PCDHA7: variants seen among roughly 807,000 people sequenced by gnomAD.
The protein encoded by PCDHA7 is protocadherin alpha-7.
In PCDHA7, 37 loss-of-function variants were observed where a neutral mutation model predicts 57.2. The ratio of observed to expected loss-of-function variants is 0.65; its 90% confidence interval spans 0.50 to 0.85. The LOEUF (loss-of-function observed/expected upper bound fraction) is 0.85, where lower values mean the gene tolerates loss of function less well. Among genes scored for constraint, PCDHA7 ranks in the 40% least tolerant of loss-of-function variants. The pLI is 0.00. For missense variants in PCDHA7, 1,188 were observed against 1,241.8 expected (o/e 0.96, Z 0.65); for synonymous variants, 553 against 558.8 (o/e 0.99, Z 0.15).
intron 1 of PCDHA7, among the ~76,000 whole-genome samples, chr5:140,904,604 T>C (rs1010462159): frequency 2.0e-5 from 3 of 152,094 alleles, no homozygotes; most frequent in Non-Finnish European, 1.5e-5. Flanking sequence ...CTGGATCAAA[T>C]AGTAGTTTTA....
intron 1 of PCDHA7, chr5:140,876,809 C>T (rs1554168959): frequency 6.2e-7 from 1 of 1,614,200 alleles, no homozygotes; most frequent in Admixed American, 1.7e-5. Flanking sequence ...GTGGAGGTGG[C>T]CGACGTGAAC....
At chr5:140,969,761 T>C (rs886878870) in intron 1 of PCDHA7, among the ~76,000 whole-genome samples, 1 of 152,234 alleles carries the variant, frequency 6.6e-6, no homozygotes, top group African/African-American at 2.4e-5. Flanking sequence ...TAAAAAGCTC[T>C]GAGGCCTCTA....
At chr5:140,995,416 T>G (rs2097682772) in intron 3 of PCDHA7, among the ~76,000 whole-genome samples, 1 of 152,228 alleles carries the variant, frequency 6.6e-6, no homozygotes, top group African/African-American at 2.4e-5. Context: ...TTCATCACAT[T>G]ACTCAGAACA....
At chr5:140,856,939 G>T (rs1554149308) in intron 1 of PCDHA7, 2 of 1,593,866 alleles carry the variant, frequency 1.3e-6, no homozygotes, top group Non-Finnish European at 1.7e-6. Flanking sequence ...TAAACGAAAG[G>T]ACGGGAGAAA....
intron 1 of PCDHA7, among the ~76,000 whole-genome samples, chr5:140,907,806 A>G (rs1046843294): frequency 2.6e-5 from 4 of 152,192 alleles, no homozygotes; most frequent in Non-Finnish European, 5.9e-5. Flanking sequence ...AGTGGTGTCC[A>G]CAGAACGAGT....
intron 1 of PCDHA7, chr5:140,848,438 T>C: frequency 6.8e-7 from 1 of 1,477,490 alleles, no homozygotes; most frequent in Non-Finnish European, 9.2e-7. Flanking sequence ...CGAAATCAGA[T>C]GATTTCTTCT....
Position 140,875,195 on chromosome 5 carries a change from G to A in PCDHA7, c.2355+38457G>A, listed in dbSNP as rs1554167540. On this transcript the variant is annotated intron_variant, in intron 1 of 3. Transcript: ENST00000525929. ...AACATTAGAATTAAGAGTGACCCAG[G>A]AAGTGGCTAAACCGAAAAGAACCTC... is the stretch of plus-strand genomic sequence containing the variant. The A allele has an allele frequency of 1.5e-5, 8 of 526,354 alleles. No individual in the cohort carries two copies. The Admixed American group carries it at 1.6e-4, about 10-fold the overall frequency. 32.6% of individuals were successfully genotyped at this position (526,354 alleles called of 1,614,324 possible). A position where few individuals can be genotyped will look rare whatever the true frequency, so the allele number is the denominator to read the frequency against.
intron 1 of PCDHA7, among the ~76,000 whole-genome samples, chr5:140,955,283 A>G (rs1255959484): frequency 6.6e-6 from 1 of 151,774 alleles, no homozygotes; most frequent in African/African-American, 2.4e-5. Context: ...CCATATTGAT[A>G]TGGTTTGGCT....
intron 1 of PCDHA7, among the ~76,000 whole-genome samples, chr5:140,910,150 T>G (rs555048323): frequency 6.6e-6 from 1 of 152,354 alleles, no homozygotes; most frequent in South Asian, 2.1e-4. Flanking sequence ...GGAAATTGAT[T>G]GAGGGGAAAT....
Position 140,836,344 on chromosome 5 carries a change from A to T in PCDHA7, c.1961A>T (p.His654Leu). 6.2e-7 allele frequency: 1 copy of T among 1,613,666 alleles called. No homozygotes were observed. The highest frequency in any genetic ancestry group is 8.5e-7 in the Non-Finnish European group (1 of 1,179,808). Residue 654 changes from histidine to leucine, a missense_variant, in exon 1 of 4, where the codon CAC (histidine) becomes CTC (leucine). By Grantham distance (99) the His-to-Leu change is moderately conservative. Coordinates refer to ENST00000525929, the MANE Select transcript of PCDHA7 (RefSeq NM_018910.3). ...RHRLLVLVKD[H>L]GEPSLTATAT... is the part of the protein sequence containing the mutation. The stretch of plus-strand genomic sequence containing the variant: ...CGCCTTCTGGTGCTTGTGAAGGACC[A>T]CGGGGAGCCCTCGCTGACAGCCACA...
chr5:140,836,038 A>T lies in PCDHA7; in HGVS notation c.1655A>T (p.Gln552Leu). The T allele has an allele frequency of 1.2e-6, 2 of 1,613,428 alleles. No individual in the cohort carries two copies. The highest frequency in any genetic ancestry group is 1.7e-6 in the Non-Finnish European group (2 of 1,179,714). ...CCTCTGGGCAGCAACGTGACGCTGC[A>T]GGTGTTCGTGCTGGACGAGAACGAC... is the stretch of plus-strand genomic sequence containing the variant. Reference protein sequence around the residue: ...VPPLGSNVTLQVFVLDENDNA... With the variant: ...VPPLGSNVTLLVFVLDENDNA... Residue 552 changes from glutamine to leucine, a missense_variant, in exon 1 of 4, where the codon CAG becomes CTG. Coordinates refer to ENST00000525929, the MANE Select transcript of PCDHA7 (RefSeq NM_018910.3).
At chr5:140,970,693 G>C (rs2096425356) in intron 1 of PCDHA7, among the ~76,000 whole-genome samples, 1 of 152,134 alleles carries the variant, frequency 6.6e-6, no homozygotes, top group South Asian at 2.1e-4. Flanking sequence ...AGGGCTTTTA[G>C]AGCTACTACA....
chr5:140,958,775 A>C (rs1179723793), intron 1 of PCDHA7, among the ~76,000 whole-genome samples: 1 of 152,170 alleles, frequency 6.6e-6, no homozygotes, highest in African/African-American at 2.4e-5. Flanking sequence ...GTTTGAAATC[A>C]ACTTTCTATT....
At chr5:140,982,041 A>C (rs1450726743) in intron 2 of PCDHA7, among the ~76,000 whole-genome samples, 2 of 152,268 alleles carry the variant, frequency 1.3e-5, no homozygotes, top group Non-Finnish European at 2.9e-5. Context: ...TCCAATTATC[A>C]GAAAATATTT....
rs1781057747 is a variant in PCDHA7 at position 140,847,527 on chromosome 5, G to T, written c.2355+10789G>T. On this transcript the variant is annotated intron_variant, in intron 1 of 3. Transcript: ENST00000525929. ...ACTTTGTAGAACTTAGTCAGGAAAA[G>T]AATCTCAAGCATAGCTTTAAAAACA... 2.0e-5 allele frequency: 3 copies of T among 149,526 alleles called. No homozygotes were observed. In the Admixed American group the frequency reaches 2.0e-4, roughly 10 times the overall value. The allele number at this position is 149,526 out of a possible 1,614,324, so 9.3% of individuals were successfully genotyped here.
chr5:140,894,574 T>C (rs997238240), intron 1 of PCDHA7, among the ~76,000 whole-genome samples: 2 of 152,002 alleles, frequency 1.3e-5, no homozygotes, highest in African/African-American at 2.4e-5. Context: ...TTTTCCTTTT[T>C]TTTAATATTT....
intron 1 of PCDHA7, chr5:140,870,322 G>A (rs1554164069): frequency 6.2e-7 from 1 of 1,614,086 alleles, no homozygotes; most frequent in African/African-American, 1.3e-5. Flanking sequence ...CTACTCGTTG[G>A]TGCTGGACAG....
At chr5:140,935,394 G>C (rs959098226) in intron 1 of PCDHA7, among the ~76,000 whole-genome samples, 2 of 152,088 alleles carry the variant, frequency 1.3e-5, no homozygotes, top group East Asian at 3.8e-4. Context: ...GTTATCCCAC[G>C]GGACTCAAAC....
intron 1 of PCDHA7, chr5:140,857,701 G>A (rs1043829375): frequency 4.4e-6 from 7 of 1,597,352 alleles, no homozygotes; most frequent in Non-Finnish European, 6.0e-6. Flanking sequence ...TGACGCTGCA[G>A]GTGTTCGTGC....
Sources: gnomAD v4.1 joint callset for allele counts (sites outside exome capture counted in the v4.1 genomes callset) on GRCh38, gnomAD v4.1.1 for gene constraint, MANE v1.5 for transcripts, NCBI Gene and HGNC (gene_info 2026-07-23, HGNC 2026-07-21) for gene names.